TPI1: variants seen among roughly 807,000 people sequenced by gnomAD.
TPI1 encodes the protein triosephosphate isomerase 1, also known as triosephosphate isomerase.
In TPI1, 11 loss-of-function variants were observed where a neutral mutation model predicts 31.0. The observed-to-expected ratio is 0.36, with a 90% CI of 0.22 to 0.59. The LOEUF (loss-of-function observed/expected upper bound fraction) is 0.59, where lower values mean the gene tolerates loss of function less well. Ranked by LOEUF, TPI1 falls within the 20% of genes least tolerant of loss-of-function variation. The pLI is 0.79. For synonymous variants in TPI1, 121 were observed against 122.8 expected, an observed-to-expected ratio of 0.99 and a Z score of 0.10; for missense variants, 245 against 319.7, an observed-to-expected ratio of 0.77 and a Z score of 1.78.
chr12:6,867,647 C>T lies in TPI1; in HGVS notation c.81C>T (p.Gly27=), dbSNP rs1555131557. The T allele has an allele frequency of 5.6e-6, 9 of 1,611,694 alleles. No homozygotes were observed. Among genetic ancestry groups the T allele is most frequent in the Non-Finnish European group, 7.6e-6 (9 of 1,179,294 alleles). The change falls in exon 1 of 7, where the codon GGC becomes GGT. Residue 27 remains glycine, a synonymous_variant. Transcript: ENST00000396705. The part of the protein sequence containing the change: ...GRKQSLGELI[G]TLNAAKVPAD... ...AGCAGAGTCTGGGGGAGCTCATCGG[C>T]ACTCTGAACGCGGCCAAGGTGCCGG...
rs1555131547 is a variant in TPI1, at chr12:6,867,633, G to A, written c.67G>A (p.Gly23Arg). The A allele has an allele frequency of 6.2e-7, 1 of 1,612,714 alleles. No individual in the cohort carries two copies. Among genetic ancestry groups the A allele is most frequent in the Non-Finnish European group, 8.5e-7 (1 of 1,179,648 alleles). Residue 23 changes from glycine (G) to arginine (R), a missense_variant, in exon 1 of 7, where the codon GGG (glycine) becomes AGG (arginine). By Grantham distance (125) the Gly-to-Arg change is moderately radical (BLOSUM62 -2). Transcript: ENST00000396705. ...GATGAACGGGCGGAAGCAGAGTCTG[G>A]GGGAGCTCATCGGCACTCTGAACGC... The part of the protein sequence containing the change: ...WKMNGRKQSL[G>R]ELIGTLNAAK...
intron 5 of TPI1, 106 bp downstream of exon 5, chr12:6,869,879 G>A: frequency 3.4e-6 from 5 of 1,451,058 alleles, no homozygotes; most frequent in Non-Finnish European, 4.8e-6. Flanking sequence ...CAGAGACCTT[G>A]AACCCAGAGA....
chr12:6,870,567 T>A lies in TPI1; in HGVS notation c.*184T>A, dbSNP rs1944565400. The A allele has an allele frequency of 1.3e-6, 1 of 761,110 alleles. No homozygotes were observed. Among genetic ancestry groups the A allele is most frequent in the Non-Finnish European group, 2.4e-6 (1 of 410,672 alleles). 47.1% of individuals were successfully genotyped at this position (761,110 alleles called of 1,614,324 possible). ...CCTGTAATGGTTGGGACCAGGCCAA[T>A]CCCTTCTCCACTTACTATAATGGTT... On this transcript the variant is annotated 3_prime_UTR_variant, in exon 7 of 7. Transcript: ENST00000396705.
At chr12:6,867,831 G>A in intron 1 of TPI1, 150 bp downstream of exon 1, 2 of 893,520 alleles carry the variant, frequency 2.2e-6, no homozygotes. Context: ...TGGGGTCCGG[G>A]CAGGGGCCTC....
intron 1 of TPI1, 38 bp downstream of exon 1, chr12:6,867,719 G>C (rs1944488724): frequency 1.3e-6 from 2 of 1,555,142 alleles, no homozygotes; most frequent in African/African-American, 2.8e-5. Flanking sequence ...CCGGGCCGGG[G>C]CCGGGGCCGG....
Position 6,868,853 on chromosome 12 carries a change from C to T in TPI1, c.116-11C>T. The T allele has an allele frequency of 1.2e-6, 2 of 1,611,170 alleles. No homozygotes were observed. The highest frequency in any genetic ancestry group is 1.9e-4 in the Middle Eastern group (1 of 5,378). ...TAGTCTCATCCCCCTGTGGTACCAT[C>T]TTGTCCTCAGAGGTGGTTTGTGCTC... On this transcript the variant is annotated splice_polypyrimidine_tract_variant and intron_variant, in intron 1 of 6. Transcript: ENST00000396705.
chr12:6,868,054 C>G, intron 1 of TPI1: 1 of 1,228,386 alleles, frequency 8.1e-7, no homozygotes, highest in Non-Finnish European at 1.0e-6. Flanking sequence ...CTTCCCGCTC[C>G]CTGCGCCCTG....
At chr12:6,868,335 C>T in intron 1 of TPI1, 2 of 1,287,812 alleles carry the variant, frequency 1.6e-6, no homozygotes, top group Non-Finnish European at 2.0e-6. Context: ...TCTCTGCCAC[C>T]CACGGGCAAA....
rs782680636 is a variant in TPI1 at position 6,869,386 on chromosome 12, C to T, written c.453C>T (p.Ile151=). The T allele has an allele frequency of 9.9e-6, 16 of 1,613,942 alleles. No individual in the cohort carries two copies. The highest frequency in any genetic ancestry group is 1.6e-4 in the Middle Eastern group (1 of 6,084). The change falls in exon 4 of 7, where the codon ATC becomes ATT. Residue 151 remains isoleucine, a synonymous_variant. Coordinates refer to ENST00000396705, the MANE Select transcript of TPI1 (RefSeq NM_000365.6). The part of the protein sequence containing the change: ...EKVVFEQTKV[I]ADNVKDWSKV... ...TTGTTTTCGAGCAGACAAAGGTCATCGCAGGTATCTCTGGAGAAAGGGACC... is the reference window on the plus strand; with the variant it reads ...TTGTTTTCGAGCAGACAAAGGTCATTGCAGGTATCTCTGGAGAAAGGGACC...
intron 1 of TPI1, chr12:6,868,374 C>G (rs1944506805): frequency 7.8e-7 from 1 of 1,287,994 alleles, no homozygotes; most frequent in South Asian, 1.2e-5. Context: ...TCCTTCCTCC[C>G]TCCACCGAAA....
chr12:6,870,219 G>A (rs553657239), intron 6 of TPI1, 46 bp from the exon 7 acceptor site: 8 of 1,604,150 alleles, frequency 5.0e-6, no homozygotes, highest in Non-Finnish European at 6.0e-6. Flanking sequence ...GGATGGGGCA[G>A]ACTCATCCCA....
In TPI1 at chr12:6,867,662, C is replaced by T; in HGVS notation, c.96C>T (p.Ala32=). The T allele has an allele frequency of 6.2e-7, 1 of 1,610,216 alleles. No homozygotes were observed. Among genetic ancestry groups the T allele is most frequent in the Non-Finnish European group, 8.5e-7 (1 of 1,178,700 alleles). The change falls in exon 1 of 7, where the codon GCC becomes GCT. Residue 32 remains alanine, a synonymous_variant. Coordinates refer to ENST00000396705, the MANE Select transcript of TPI1 (RefSeq NM_000365.6). ...AGCTCATCGGCACTCTGAACGCGGCCAAGGTGCCGGCCGACACCGGTAAGC... is the reference window on the plus strand; with the variant it reads ...AGCTCATCGGCACTCTGAACGCGGCTAAGGTGCCGGCCGACACCGGTAAGC... ...LGELIGTLNA[A]KVPADTEVVC...
intron 1 of TPI1, 122 bp downstream of exon 1, chr12:6,867,803 C>A: frequency 1.8e-6 from 2 of 1,110,068 alleles, no homozygotes; most frequent in Non-Finnish European, 2.5e-6. Context: ...TGATGCAGGG[C>A]TGTGGGACGA....
chr12:6,870,168 G>A, intron 6 of TPI1, 32 bp downstream of exon 6: 3 of 1,607,836 alleles, frequency 1.9e-6, no homozygotes, highest in Non-Finnish European at 2.6e-6. Context: ...CTGAGGTGGA[G>A]TGGGCTGAGG....
Position 6,870,590 on chromosome 12 carries a change from G to A in TPI1, c.*207G>A, listed in dbSNP as rs782080571. 3.2e-4 allele frequency: 238 copies of A among 738,308 alleles called. 1 individual carries two copies. The highest frequency in any genetic ancestry group is 2.8e-3 in the South Asian group (206 of 73,506). The allele number at this position is 738,308 out of a possible 1,614,324, so 45.7% of individuals were successfully genotyped here. The stretch of plus-strand genomic sequence containing the variant: ...AATCCCTTCTCCACTTACTATAATG[G>A]TTGGAACTAAACGTCACCAAGGTGG... On this transcript the variant is annotated 3_prime_UTR_variant, in exon 7 of 7. Transcript: ENST00000396705.
intron 2 of TPI1, 23 bp from the exon 3 acceptor site, chr12:6,869,076 C>T: frequency 1.2e-6 from 2 of 1,614,194 alleles, no homozygotes; most frequent in East Asian, 2.2e-5. Context: ...CCTGCTGAAC[C>T]TTGGCTTCAT....
chr12:6,867,550 G>A lies in TPI1; in HGVS notation c.-17G>A. ...CTGCGCGCAGACACTGACCTTCAGC[G>A]CCTCGGCTCCAGCGCCATGGCGCCC... On this transcript the variant is annotated 5_prime_UTR_variant, in exon 1 of 7. Coordinates refer to ENST00000396705, the MANE Select transcript of TPI1 (RefSeq NM_000365.6). 1.2e-6 allele frequency: 2 copies of A among 1,610,708 alleles called. No individual in the cohort carries two copies. The highest frequency in any genetic ancestry group is 1.7e-6 in the Non-Finnish European group (2 of 1,178,886).
chr12:6,869,432 C>T, intron 4 of TPI1, 42 bp downstream of exon 4: 1 of 1,613,320 alleles, frequency 6.2e-7, no homozygotes, highest in Non-Finnish European at 8.5e-7. Context: ...TCCAGGGCCA[C>T]AGAGACTCAG....
chr12:6,868,687 G>A, intron 1 of TPI1, 177 bp from the exon 2 acceptor site: 1 of 1,350,346 alleles, frequency 7.4e-7, no homozygotes, highest in Non-Finnish European at 1.0e-6. Context: ...CGAGTTGAGT[G>A]CAGACCCAGC....
Sources: allele counts gnomAD v4.1 joint callset, GRCh38; gene constraint gnomAD v4.1.1; transcripts MANE v1.5; gene names NCBI Gene and HGNC (gene_info 2026-07-23, HGNC 2026-07-21).